Variants in NALCN observed in about 807,000 individuals in gnomAD.
NALCN encodes sodium leak channel NALCN.
Under a neutral mutation model 225.3 loss-of-function variants are expected in NALCN, and 111 were observed. The ratio of observed to expected loss-of-function variants is 0.49; its 90% confidence interval spans 0.42 to 0.58. The LOEUF (loss-of-function observed/expected upper bound fraction) is 0.58. NALCN is among the 20% of genes least tolerant of loss of function. The pLI is 0.00. For missense variants in NALCN, 1,378 were observed against 2,202.4 expected, an observed-to-expected ratio of 0.63 and a Z score of 7.49; for synonymous variants, 764 against 769.0, an observed-to-expected ratio of 0.99 and a Z score of 0.11.
chr13:101,062,983 C>T lies in NALCN; in HGVS notation c.4605-865G>A, dbSNP rs539001102. On this transcript the variant is annotated intron_variant, in intron 40 of 43. Coordinates refer to ENST00000251127, the MANE Select transcript of NALCN (RefSeq NM_052867.4). ...ATTTAACCCTTGACACACAGCAGGC[C>T]CATGCAGTTGTAGGTAAAGCCAACA... is the stretch of plus-strand genomic sequence containing the variant. 1.1e-4 allele frequency among the ~76,000 whole-genome samples: 17 copies of T among 152,302 alleles called. No individual in the cohort carries two copies. The South Asian group carries it at 3.1e-3, about 28-fold the overall frequency.
chr13:101,388,626 A>G (rs2047058789), intron 3 of NALCN, among the ~76,000 whole-genome samples: 2 of 152,360 alleles, frequency 1.3e-5, no homozygotes, highest in South Asian at 2.1e-4. Context: ...ACTTGGAATG[A>G]GTATATAATT....
At chr13:101,379,215 A>C (rs2139428491) in intron 3 of NALCN, among the ~76,000 whole-genome samples, 1 of 152,346 alleles carries the variant, frequency 6.6e-6, no homozygotes, top group Non-Finnish European at 1.5e-5. Context: ...GTCAGGAAAC[A>C]ACAGATGCTG....
intron 2 of NALCN, among the ~76,000 whole-genome samples, chr13:101,397,099 T>TATATAC (rs1555346482): frequency 4.3e-4 from 28 of 65,278 alleles, no homozygotes; most frequent in Non-Finnish European, 6.3e-4. Context: ...TATATATATA[T>TATATAC]ATATATATAT....
At chr13:101,375,983 C>G (rs988079744) in intron 6 of NALCN, among the ~76,000 whole-genome samples, 1 of 152,052 alleles carries the variant, frequency 6.6e-6, no homozygotes, top group African/African-American at 2.4e-5. Context: ...GGCAGGTGCT[C>G]TATTGCATAA....
chr13:101,080,028 T>C (rs1024047379), intron 34 of NALCN, among the ~76,000 whole-genome samples: 2 of 152,164 alleles, frequency 1.3e-5, no homozygotes, highest in African/African-American at 4.8e-5. Context: ...AGAAGGTAAT[T>C]ATAATAATGC....
At chr13:101,332,335 A>C (rs751730353) in intron 7 of NALCN, among the ~76,000 whole-genome samples, 1 of 148,082 alleles carries the variant, frequency 6.8e-6, no homozygotes, top group Non-Finnish European at 1.5e-5. Context: ...GCAAAGACAA[A>C]GGGTAAATCT....
At chr13:101,182,816 C>A (rs2039293889) in intron 14 of NALCN, among the ~76,000 whole-genome samples, 1 of 151,988 alleles carries the variant, frequency 6.6e-6, no homozygotes, top group South Asian at 2.1e-4. Flanking sequence ...AGCTGATTGC[C>A]AGGAGGTGAG....
intron 30 of NALCN, among the ~76,000 whole-genome samples, chr13:101,086,427 C>A (rs1477483062): frequency 1.3e-5 from 2 of 151,714 alleles, no homozygotes; most frequent in Non-Finnish European, 2.9e-5. Context: ...ATTATAATTT[C>A]TTCAACTCAT....
intron 9 of NALCN, among the ~76,000 whole-genome samples, chr13:101,285,190 G>C (rs1427213131): frequency 2.0e-5 from 3 of 152,196 alleles, no homozygotes; most frequent in African/African-American, 7.2e-5. Context: ...CAAATCCCTG[G>C]TAGTAGTGGT....
Position 101,291,885 on chromosome 13 carries a change from C to T in NALCN, c.1047+105G>A, listed in dbSNP as rs987440793. 1.2e-5 allele frequency: 13 copies of T among 1,119,958 alleles called. No individual in the cohort carries two copies. In the African/African-American group the frequency reaches 1.9e-4, roughly 16 times the overall value. 69.4% of individuals were successfully genotyped at this position (1,119,958 alleles called of 1,614,324 possible). On this transcript the variant is annotated intron_variant, in intron 9 of 43. Coordinates refer to ENST00000251127, the MANE Select transcript of NALCN (RefSeq NM_052867.4). ...TTTTTAAACAGCTTCCTGAGTCAGA[C>T]TATAGAAGCCCATCATGCAAGAGCT...
chr13:101,144,854 G>A lies in NALCN; in HGVS notation c.1882C>T (p.Pro628Ser). 6.2e-7 allele frequency: 1 copy of A among 1,613,008 alleles called. No homozygotes were observed. Among genetic ancestry groups the A allele is most frequent in the Non-Finnish European group, 8.5e-7 (1 of 1,179,540 alleles). ...EANADTKEKL[P>S]LRLRIFEKFP... ...TTTTCAAAGATTCGCAGGCGTAAAG[G>A]GAGCTTTTCTTTGGTGTCCGCATTT... Residue 628 changes from proline to serine, a missense_variant, in exon 16 of 44, where the codon CCT (proline) becomes TCT (serine). Transcript: ENST00000251127.
intron 18 of NALCN, among the ~76,000 whole-genome samples, chr13:101,119,203 T>C (rs1448084159): frequency 1.3e-5 from 2 of 152,170 alleles, no homozygotes; most frequent in Non-Finnish European, 1.5e-5. Flanking sequence ...ATAGTGATTA[T>C]ATATATATGT....
intron 7 of NALCN, among the ~76,000 whole-genome samples, chr13:101,314,814 GT>G (rs1264477574): frequency 6.6e-6 from 1 of 152,160 alleles, no homozygotes; most frequent in Non-Finnish European, 1.5e-5. Context: ...ACAAAGGCAG[GT>G]GAGCAAAGCT....
chr13:101,167,498 G>A (rs941061786), intron 15 of NALCN, among the ~76,000 whole-genome samples: 2 of 152,088 alleles, frequency 1.3e-5, no homozygotes, highest in East Asian at 1.9e-4. Flanking sequence ...CATAAGTTGA[G>A]GAGCATACTG....
At position 101,254,325 on chromosome 13, in the gene NALCN, A is replaced by T. The variant is rs2042149868; in HGVS notation, c.1266+4118T>A. 4.7e-5 allele frequency among the ~76,000 whole-genome samples: 6 copies of T among 128,584 alleles called. No individual in the cohort carries two copies. In the Admixed American group the frequency reaches 4.8e-4, roughly 10 times the overall value. The allele number at this position is 128,584 out of a possible 152,430, so 84.4% of individuals were successfully genotyped here. ...GAGGCAGAGGTTGCAGGGAGCCGAG[A>T]TGGTGCCACTGCACTCTAGCCTGAG... is the stretch of plus-strand genomic sequence containing the variant. On this transcript the variant is annotated intron_variant, in intron 11 of 43. Coordinates refer to ENST00000251127, the MANE Select transcript of NALCN (RefSeq NM_052867.4).
chr13:101,221,650 T>C (rs2040945799), intron 13 of NALCN, among the ~76,000 whole-genome samples: 1 of 152,158 alleles, frequency 6.6e-6, no homozygotes, highest in African/African-American at 2.4e-5. Flanking sequence ...AGCCCCTTTC[T>C]TGACCATTGT....
chr13:101,121,691 G>A (rs564714719), intron 18 of NALCN, among the ~76,000 whole-genome samples: 1 of 152,312 alleles, frequency 6.6e-6, no homozygotes, highest in Non-Finnish European at 1.5e-5. Flanking sequence ...TTAAAAGACA[G>A]AATCTGCATC....
chr13:101,139,931 AT>A (rs953291955), intron 17 of NALCN, among the ~76,000 whole-genome samples: 12 of 152,140 alleles, frequency 7.9e-5, no homozygotes, highest in African/African-American at 2.9e-4. Flanking sequence ...TCTGCTTTAG[AT>A]TTCCCTGGCC....
Position 101,124,785 on chromosome 13 carries a change from G to A in NALCN, c.2119-104C>T, listed in dbSNP as rs2036154378. 3.1e-6 allele frequency: 3 copies of A among 972,224 alleles called. No homozygotes were observed. The African/African-American group carries it at 4.9e-5, about 16-fold the overall frequency. 60.2% of individuals were successfully genotyped at this position (972,224 alleles called of 1,614,324 possible). ...TTGTTAAAACATGAAACATGAATAT[G>A]TTTCGCTAAAGCATCATCGTACAAT... On this transcript the variant is annotated intron_variant, in intron 17 of 43. Coordinates refer to ENST00000251127, the MANE Select transcript of NALCN (RefSeq NM_052867.4).
Sources: allele counts gnomAD v4.1 joint callset (sites outside exome capture counted in the v4.1 genomes callset), GRCh38; gene constraint gnomAD v4.1.1; transcripts MANE v1.5; gene names NCBI Gene and HGNC (gene_info 2026-07-23, HGNC 2026-07-21).